The following TENM4 variants were observed in gnomAD, a reference collection of about 807,000 sequenced individuals.
The protein encoded by TENM4 is teneurin-4.
A neutral mutation model predicts 243.3 loss-of-function variants in TENM4; 82 were observed. That is an observed-to-expected ratio of 0.34 (90% CI 0.28 to 0.40). The LOEUF (loss-of-function observed/expected upper bound fraction) is 0.40, where lower values mean the gene tolerates loss of function less well. Ranked by LOEUF, TENM4 falls within the 10% of genes least tolerant of loss-of-function variation. The pLI, the probability that TENM4 is intolerant of heterozygous loss-of-function variation, is 1.00. For missense variants in TENM4, 3,138 were observed against 3,673.3 expected, an observed-to-expected ratio of 0.85 and a Z score of 3.77; for synonymous variants, 1,412 against 1,456.3, an observed-to-expected ratio of 0.97 and a Z score of 0.69.
At chr11:79,253,657 C>T (rs776966230) in intron 2 of TENM4, among the ~76,000 whole-genome samples, 1 of 152,134 alleles carries the variant, frequency 6.6e-6, no homozygotes, top group Non-Finnish European at 1.5e-5. Flanking sequence ...AATTAATCGC[C>T]CTGTTTTCTG....
At chr11:79,285,429 A>G (rs909825042) in intron 2 of TENM4, among the ~76,000 whole-genome samples, 2 of 152,240 alleles carry the variant, frequency 1.3e-5, no homozygotes, top group East Asian at 3.8e-4. Flanking sequence ...TGGCGTAGCT[A>G]TATTTGAAAA....
rs1035838961 is a variant in TENM4 at position 79,230,450 on chromosome 11, A to G, written c.-264-14541T>C. ...GGGCCATCTCCAAGAACCGTCCCCA[A>G]TAACTAATTTGATAAGGCAGAAACA... On this transcript the variant is annotated intron_variant, in intron 2 of 33. Coordinates refer to ENST00000278550, the MANE Select transcript of TENM4 (RefSeq NM_001098816.3). Among the ~76,000 whole-genome samples the G allele has an allele frequency of 3.3e-5, 5 of 152,160 alleles. No homozygotes were observed. In the South Asian group the frequency reaches 1.0e-3, roughly 32 times the overall value.
chr11:79,348,203 T>TA (rs1329471077), intron 1 of TENM4, among the ~76,000 whole-genome samples: 1 of 152,220 alleles, frequency 6.6e-6, no homozygotes, highest in Non-Finnish European at 1.5e-5. Context: ...TCTGTTCATT[T>TA]ATGTAATAGA....
intron 1 of TENM4, among the ~76,000 whole-genome samples, chr11:79,433,366 T>C (rs1859207060): frequency 6.6e-6 from 1 of 152,094 alleles, no homozygotes; most frequent in African/African-American, 2.4e-5. Flanking sequence ...TGCACTAACT[T>C]AACAAGACAT....
Position 79,164,047 on chromosome 11 carries a change from AAATACTAT to A in TENM4, c.-162-15249_-162-15242del, listed in dbSNP as rs571418381. Among the ~76,000 whole-genome samples, 95 of 39,076 alleles carry A rather than the reference AAATACTAT, an allele frequency of 2.4e-3. 1 individual carries two copies. Among genetic ancestry groups the A allele is most frequent in the South Asian group, 8.6e-3 (12 of 1,390 alleles). The allele number at this position is 39,076 out of a possible 152,430, so 25.6% of individuals were successfully genotyped here. Reference sequence around the variant, plus strand: ...TATGTATATAGTATATATACACTATAAATACTATGTATATATAGTGTATATATACACTA... The same window carrying A: ...TATGTATATAGTATATATACACTATAGTATATATAGTGTATATATACACTA... On this transcript the variant is annotated intron_variant, in intron 3 of 33. Coordinates refer to ENST00000278550, the MANE Select transcript of TENM4 (RefSeq NM_001098816.3).
At position 79,438,792 on chromosome 11, in the gene TENM4, T is replaced by A. The variant is rs931353076; in HGVS notation, c.-321+1717A>T. 3.9e-5 allele frequency among the ~76,000 whole-genome samples: 6 copies of A among 152,194 alleles called. No homozygotes were observed. The highest frequency in any genetic ancestry group is 1.4e-4 in the African/African-American group (6 of 41,456). ...GACCCAATGAAACCTCAGTTCTGAC[T>A]GACTCCTCCTCTGCGATCAATTCCG... On this transcript the variant is annotated intron_variant, in intron 1 of 33. Transcript: ENST00000278550. The surrounding 1 kb of genome is among the most constrained non-coding windows in gnomAD (Gnocchi z 4.1).
At chr11:78,970,671 C>T (rs1028604581) in intron 6 of TENM4, among the ~76,000 whole-genome samples, 1 of 152,194 alleles carries the variant, frequency 6.6e-6, no homozygotes, top group Non-Finnish European at 1.5e-5. Flanking sequence ...TGGATATTCT[C>T]TAAGGTTCCT....
At chr11:78,890,102 A>C in intron 8 of TENM4, 82 bp from the exon 9 acceptor site, 1 of 1,140,344 alleles carries the variant, frequency 8.8e-7, no homozygotes, top group Non-Finnish European at 1.2e-6. Context: ...CAGAGGCGGC[A>C]GTAGAAGAAG....
At chr11:78,751,504 C>A (rs900305546) in intron 19 of TENM4, among the ~76,000 whole-genome samples, 1 of 152,120 alleles carries the variant, frequency 6.6e-6, no homozygotes, top group African/African-American at 2.4e-5. Flanking sequence ...AATAATGATT[C>A]AACAATCTAA....
In TENM4 at chr11:78,805,277, T is replaced by TACCCCCCCCCCCCCCCCCCCC; in HGVS notation, c.2179+14_2179+15insGGGGGGGGGGGGGGGGGGGGT. On this transcript the variant is annotated intron_variant, in intron 15 of 33. Transcript: ENST00000278550. ...CCCCTCCCTCTACCCATGCTTCTTC[T>TACCCCCCCCCCCCCCCCCCCC]CCCCCTGCATTTACCGATAGAACAG... 7.1e-7 allele frequency: 1 copy of TACCCCCCCCCCCCCCCCCCCC among 1,402,546 alleles called. No homozygotes were observed. Among genetic ancestry groups the TACCCCCCCCCCCCCCCCCCCC allele is most frequent in the Non-Finnish European group, 9.7e-7 (1 of 1,033,114 alleles). 86.9% of individuals were successfully genotyped at this position (1,402,546 alleles called of 1,614,324 possible).
intron 29 of TENM4, among the ~76,000 whole-genome samples, chr11:78,677,179 A>G (rs550356731): frequency 2.9e-4 from 44 of 152,264 alleles, no homozygotes; most frequent in African/African-American, 7.5e-4. Flanking sequence ...TCAATATCCA[A>G]TATCTTCATT....
intron 4 of TENM4, among the ~76,000 whole-genome samples, chr11:79,138,774 C>T (rs1161347366): frequency 5.5e-5 from 6 of 108,260 alleles, no homozygotes; most frequent in South Asian, 2.6e-4. Flanking sequence ...ATACATAAAA[C>T]ATACATTATA....
intron 3 of TENM4, among the ~76,000 whole-genome samples, chr11:79,167,688 C>T (rs1186119643): frequency 3.3e-5 from 5 of 152,016 alleles, no homozygotes; most frequent in African/African-American, 7.2e-5. Context: ...GTTGGTAGCC[C>T]AGTTGGAGGT....
chr11:78,674,904 C>G (rs1299443431), intron 30 of TENM4, among the ~76,000 whole-genome samples: 1 of 151,382 alleles, frequency 6.6e-6, no homozygotes, highest in Non-Finnish European at 1.5e-5. Context: ...CTTACTCTGT[C>G]GCCCAGGCTG....
At chr11:79,348,883 G>A (rs1435203668) in intron 1 of TENM4, among the ~76,000 whole-genome samples, 5 of 152,176 alleles carry the variant, frequency 3.3e-5, no homozygotes, top group South Asian at 4.1e-4. Flanking sequence ...TTTAAAATTA[G>A]GATTAGATGG....
intron 12 of TENM4, among the ~76,000 whole-genome samples, chr11:78,840,490 G>A (rs1858233213): frequency 1.3e-5 from 2 of 152,156 alleles, no homozygotes; most frequent in South Asian, 4.1e-4. Flanking sequence ...CTTACAATTT[G>A]TTATAACCCT....
chr11:78,912,466 A>T (rs1591123544), intron 6 of TENM4, among the ~76,000 whole-genome samples: 1 of 152,330 alleles, frequency 6.6e-6, no homozygotes, highest in East Asian at 1.9e-4. Flanking sequence ...CATGTTGGCC[A>T]GGCTGGTCTC....
intron 6 of TENM4, among the ~76,000 whole-genome samples, chr11:78,911,893 G>T (rs918407987): frequency 2.0e-5 from 3 of 152,188 alleles, no homozygotes; most frequent in African/African-American, 7.2e-5. Context: ...CCCAGCCCGT[G>T]GCAGCTCAGC....
At chr11:79,437,799 C>A (rs963762077) in intron 1 of TENM4, among the ~76,000 whole-genome samples, 2 of 152,204 alleles carry the variant, frequency 1.3e-5, no homozygotes, top group Non-Finnish European at 2.9e-5. Context: ...GCCCGGGGAG[C>A]TAACCCAGCC....
Sources: gnomAD v4.1 joint callset for allele counts (sites outside exome capture counted in the v4.1 genomes callset) on GRCh38, gnomAD v4.1.1 for gene constraint, Gnocchi (gnomAD v3.1) non-coding constraint, MANE v1.5 for transcripts, NCBI Gene and HGNC (gene_info 2026-07-23, HGNC 2026-07-21) for gene names.